STXBP5: variants seen among roughly 807,000 people sequenced by gnomAD.
STXBP5 encodes syntaxin-binding protein 5.
In STXBP5, 50 loss-of-function variants were observed where a neutral mutation model predicts 152.4. That is an observed-to-expected ratio of 0.33 (90% CI 0.26 to 0.42). The LOEUF (loss-of-function observed/expected upper bound fraction) is 0.42, where lower values mean the gene tolerates loss of function less well. Ranked by LOEUF, STXBP5 falls within the 10% of genes least tolerant of loss-of-function variation. The pLI is 1.00. For missense variants in STXBP5, 1,167 were observed against 1,388.6 expected, an observed-to-expected ratio of 0.84 and a Z score of 2.54; for synonymous variants, 492 against 494.7, an observed-to-expected ratio of 0.99 and a Z score of 0.07.
At chr6:147,290,483 AT>A (rs1437288818) in intron 8 of STXBP5, among the ~76,000 whole-genome samples, 1 of 152,088 alleles carries the variant, frequency 6.6e-6, no homozygotes, top group Non-Finnish European at 1.5e-5. Context: ...TATTTTCTTT[AT>A]TTTTTACTTT....
At position 147,387,828 on chromosome 6, in the gene STXBP5, T is replaced by C. The variant is rs956949918; in HGVS notation, c.*3073T>C. 6.6e-6 allele frequency: 1 copy of C among 151,674 alleles called. No individual in the cohort carries two copies. Among genetic ancestry groups the C allele is most frequent in the Non-Finnish European group, 1.5e-5 (1 of 67,712 alleles). The allele number at this position is 151,674 out of a possible 1,614,324, so 9.4% of individuals were successfully genotyped here. A position where few individuals can be genotyped will look rare whatever the true frequency, so the allele number is the denominator to read the frequency against. ...TTAGAACTTCTTAATTGTAGGTTCC[T>C]CTGAAGCGATTTCATGTAGATATGT... is the stretch of plus-strand genomic sequence containing the variant. On this transcript the variant is annotated 3_prime_UTR_variant, in exon 28 of 28. Transcript: ENST00000321680.
chr6:147,283,587 C>T (rs1243868378), intron 8 of STXBP5, among the ~76,000 whole-genome samples: 1 of 152,118 alleles, frequency 6.6e-6, no homozygotes, highest in Admixed American at 6.5e-5. Flanking sequence ...GAGTCCACCT[C>T]GAGTCACCAA....
At position 147,204,840 on chromosome 6, in the gene STXBP5, C is replaced by A. The variant is rs540128146; in HGVS notation, c.150+158C>A. On this transcript the variant is annotated intron_variant, in intron 1 of 27. Transcript: ENST00000321680. This position sits in a 1 kb window ranked among gnomAD's most constrained non-coding sequence, Gnocchi z 4.3. ...CTCGCTCCTCCCTTGGCAAACGTTT[C>A]TTCGGTGGGTTGTTTTGGAGATTGA... Among the ~76,000 whole-genome samples the A allele has an allele frequency of 2.1e-4, 32 of 152,284 alleles. No homozygotes were observed. The highest frequency in any genetic ancestry group is 7.5e-4 in the African/African-American group (31 of 41,556).
intron 12 of STXBP5, 105 bp downstream of exon 12, chr6:147,314,136 T>C: frequency 6.8e-7 from 1 of 1,469,056 alleles, no homozygotes; most frequent in Non-Finnish European, 9.3e-7. Flanking sequence ...GGAAAATAGG[T>C]TAAAAATTAT....
intron 7 of STXBP5, among the ~76,000 whole-genome samples, chr6:147,271,700 C>G (rs1422311487): frequency 6.6e-6 from 1 of 151,952 alleles, no homozygotes; most frequent in African/African-American, 2.4e-5. Context: ...AGCGAGTGGC[C>G]TCAGCTTTCA....
chr6:147,206,864 G>A (rs983386071), intron 2 of STXBP5, among the ~76,000 whole-genome samples: 11 of 151,650 alleles, frequency 7.3e-5, no homozygotes, highest in Non-Finnish European at 1.3e-4. Flanking sequence ...TTTTTATGTT[G>A]AAATGTGTTT....
rs947119862 is a variant in STXBP5, at chr6:147,385,739, A to C, written c.*984A>C. On this transcript the variant is annotated 3_prime_UTR_variant, in exon 28 of 28. Coordinates refer to ENST00000321680, the MANE Select transcript of STXBP5 (RefSeq NM_001127715.4). ...TTTAATTAAAATTGCTTAAAAAAAA[A>C]CTTTCATTATTTCAGTAAAATGCTC... 6 of 152,090 alleles carry C rather than the reference A, an allele frequency of 3.9e-5. No individual in the cohort carries two copies. Among genetic ancestry groups the C allele is most frequent in the Non-Finnish European group, 7.4e-5 (5 of 67,978 alleles). 9.4% of individuals were successfully genotyped at this position (152,090 alleles called of 1,614,324 possible). A position where few individuals can be genotyped will look rare whatever the true frequency, so the allele number is the denominator to read the frequency against.
chr6:147,245,744 T>C (rs887174881), intron 4 of STXBP5, among the ~76,000 whole-genome samples: 1 of 151,946 alleles, frequency 6.6e-6, no homozygotes, highest in South Asian at 2.1e-4. Flanking sequence ...ATAAGAAGAG[T>C]TGAAGATACA....
intron 4 of STXBP5, among the ~76,000 whole-genome samples, chr6:147,249,975 C>T (rs1271892612): frequency 1.3e-5 from 2 of 152,140 alleles, no homozygotes; most frequent in South Asian, 2.1e-4. Flanking sequence ...GTGAGTGTGA[C>T]TTTTGTCTAA....
intron 25 of STXBP5, among the ~76,000 whole-genome samples, chr6:147,373,171 A>G (rs1310507071): frequency 1.3e-5 from 2 of 152,016 alleles, no homozygotes; most frequent in African/African-American, 4.8e-5. Context: ...GTTCAAGATC[A>G]GCCTGGCCAA....
intron 22 of STXBP5, among the ~76,000 whole-genome samples, chr6:147,357,667 A>G (rs1269791847): frequency 1.3e-5 from 2 of 152,272 alleles, no homozygotes; most frequent in African/African-American, 2.4e-5. Context: ...TAGATTACCA[A>G]TGGAAGGAAG....
chr6:147,378,691 A>G (rs1785930231), intron 26 of STXBP5, among the ~76,000 whole-genome samples: 1 of 152,116 alleles, frequency 6.6e-6, no homozygotes, highest in African/African-American at 2.4e-5. Context: ...TAGAAGAACC[A>G]AAAGAATCTA....
chr6:147,384,244 C>T (rs1786233041), intron 27 of STXBP5, among the ~76,000 whole-genome samples: 1 of 152,072 alleles, frequency 6.6e-6, no homozygotes, highest in Non-Finnish European at 1.5e-5. Context: ...GCTTCAGTTT[C>T]ATTTATTAAA....
chr6:147,319,656 G>C lies in STXBP5; in HGVS notation c.1802+3249G>C, dbSNP rs548583632. Among the ~76,000 whole-genome samples the C allele has an allele frequency of 3.3e-5, 5 of 152,154 alleles. No homozygotes were observed. In the South Asian group the frequency reaches 8.3e-4, roughly 25 times the overall value. On this transcript the variant is annotated intron_variant, in intron 16 of 27. Coordinates refer to ENST00000321680, the MANE Select transcript of STXBP5 (RefSeq NM_001127715.4). ...TTTTTGGAAGTAGCGTTTGGTGTCA[G>C]ATAGAGGTAAACTGCCCTGTCAGTA... is the stretch of plus-strand genomic sequence containing the variant.
chr6:147,281,202 G>A (rs373478690), intron 8 of STXBP5, among the ~76,000 whole-genome samples: 9 of 152,010 alleles, frequency 5.9e-5, no homozygotes, highest in East Asian at 3.9e-4. Flanking sequence ...GATTACAGGC[G>A]CCTGCCACCA....
At chr6:147,315,806 G>A in intron 15 of STXBP5, 71 bp downstream of exon 15, 1 of 1,448,654 alleles carries the variant, frequency 6.9e-7, no homozygotes, top group South Asian at 1.2e-5. Context: ...GGATGATTTG[G>A]AAGACTTTTT....
At chr6:147,335,772 G>T (rs1006901897) in intron 19 of STXBP5, among the ~76,000 whole-genome samples, 1 of 151,938 alleles carries the variant, frequency 6.6e-6, no homozygotes, top group Non-Finnish European at 1.5e-5. Context: ...CTGCACTCCA[G>T]CCTGGGCGAC....
chr6:147,280,084 G>A (rs1443293090), intron 8 of STXBP5, among the ~76,000 whole-genome samples: 1 of 149,386 alleles, frequency 6.7e-6, no homozygotes, highest in Non-Finnish European at 1.5e-5. Context: ...TTTTTAATAA[G>A]GACATTTTTC....
chr6:147,217,574 A>G (rs1368827575), intron 2 of STXBP5, among the ~76,000 whole-genome samples: 1 of 152,238 alleles, frequency 6.6e-6, no homozygotes, highest in African/African-American at 2.4e-5. Flanking sequence ...CCTAACTCCA[A>G]AACAGTGAAT....
Sources: gnomAD v4.1 joint callset for allele counts (sites outside exome capture counted in the v4.1 genomes callset) on GRCh38, gnomAD v4.1.1 for gene constraint, Gnocchi (gnomAD v3.1) non-coding constraint, MANE v1.5 for transcripts, NCBI Gene and HGNC (gene_info 2026-07-23, HGNC 2026-07-21) for gene names.